Variants in CLVS1 observed in about 807,000 individuals in gnomAD.
The protein encoded by CLVS1 is clavesin-1.
Under a neutral mutation model 33.1 loss-of-function variants are expected in CLVS1, and 10 were observed. The ratio of observed to expected loss-of-function variants is 0.30; its 90% CI spans 0.19 to 0.51. The LOEUF is 0.51. Ranked by LOEUF, CLVS1 falls within the 20% of genes least tolerant of loss-of-function variation. The pLI is 0.97. For missense variants in CLVS1, 343 were observed against 433.4 expected, an observed-to-expected ratio of 0.79 and a Z score of 1.85; for synonymous variants, 163 against 166.1, an observed-to-expected ratio of 0.98 and a Z score of 0.14.
Position 61,116,851 on chromosome 8 carries a change from C to T in CLVS1, c.-242-14919C>T, listed in dbSNP as rs879835837. On this transcript the variant is annotated intron_variant, in intron 1 of 2. Coordinates refer to the CLVS1 transcript ENST00000522621. ...TTGGCTTAGGATTGACTTGGCGATGCGGGCTCTTTTTTGGTTCCATATGAA... is the reference window on the plus strand; with the variant it reads ...TTGGCTTAGGATTGACTTGGCGATGTGGGCTCTTTTTTGGTTCCATATGAA... Among the ~76,000 whole-genome samples the T allele has an allele frequency of 3.6e-4, 50 of 140,412 alleles. 1 individual carries two copies. Among genetic ancestry groups the T allele is most frequent in the Admixed American group, 1.5e-3 (21 of 13,826 alleles). 92.1% of individuals were successfully genotyped at this position (140,412 alleles called of 152,430 possible).
chr8:61,408,434 C>T (rs578182070), intron 3 of CLVS1, among the ~76,000 whole-genome samples: 1 of 152,168 alleles, frequency 6.6e-6, no homozygotes, highest in Non-Finnish European at 1.5e-5. Context: ...CCCCTAGCTG[C>T]CCAACTCACC....
At chr8:61,304,977 T>G (rs1810570120) in intron 2 of CLVS1, among the ~76,000 whole-genome samples, 1 of 152,100 alleles carries the variant, frequency 6.6e-6, no homozygotes, top group South Asian at 2.1e-4. Flanking sequence ...GTGCACAAAC[T>G]CTGAACCCCG....
At chr8:61,394,232 C>G (rs113427999) in intron 3 of CLVS1, among the ~76,000 whole-genome samples, 3,133 of 152,246 alleles carry the variant, frequency 0.021, 87 homozygotes, top group African/African-American at 0.07. Context: ...TCCCTCCTTG[C>G]AGCAGGATTG....
At chr8:61,249,992 T>C (rs2129591546) in intron 2 of CLVS1, among the ~76,000 whole-genome samples, 1 of 152,330 alleles carries the variant, frequency 6.6e-6, no homozygotes, top group Admixed American at 6.5e-5. Context: ...TATTTGCCCA[T>C]GCCTATGTCC....
intron 2 of CLVS1, among the ~76,000 whole-genome samples, chr8:61,158,806 A>C (rs1225149715): frequency 6.6e-6 from 1 of 152,208 alleles, no homozygotes. Flanking sequence ...GTAATAAAAT[A>C]ATTCTCTTTT....
At chr8:61,371,988 G>A (rs1186715848) in intron 2 of CLVS1, among the ~76,000 whole-genome samples, 3 of 152,088 alleles carry the variant, frequency 2.0e-5, no homozygotes, top group Non-Finnish European at 4.4e-5. Flanking sequence ...AGTTCACATA[G>A]TCCTCTCACA....
intron 1 of CLVS1, among the ~76,000 whole-genome samples, chr8:61,122,495 C>T (rs955541064): frequency 4.6e-5 from 7 of 151,650 alleles, no homozygotes; most frequent in African/African-American, 1.7e-4. Flanking sequence ...CAGCTTTTGG[C>T]TCACCTTACT....
chr8:61,491,787 C>T (rs1244207346), intron 5 of CLVS1, among the ~76,000 whole-genome samples: 2 of 152,180 alleles, frequency 1.3e-5, no homozygotes, highest in African/African-American at 2.4e-5. Flanking sequence ...ATGATTGTTA[C>T]TTCCTCGAGT....
chr8:61,175,369 C>A (rs2129299328), intron 2 of CLVS1, among the ~76,000 whole-genome samples: 1 of 152,290 alleles, frequency 6.6e-6, no homozygotes, highest in East Asian at 1.9e-4. Flanking sequence ...GGGAACAAGC[C>A]TTCATCAGAC....
intron 1 of CLVS1, among the ~76,000 whole-genome samples, chr8:61,067,423 C>A (rs1378313690): frequency 6.8e-6 from 1 of 147,986 alleles, no homozygotes; most frequent in Admixed American, 6.8e-5. Flanking sequence ...AGTATATATA[C>A]TTATAAGGAT....
At chr8:61,163,064 C>G (rs1051452597) in intron 2 of CLVS1, among the ~76,000 whole-genome samples, 3 of 152,086 alleles carry the variant, frequency 2.0e-5, no homozygotes, top group Non-Finnish European at 2.9e-5. Context: ...CTTGTTAGTC[C>G]TAGGAAAGTC....
chr8:61,345,621 GGTGTGTGTGTGTGTGT>G (rs760079533), intron 2 of CLVS1, among the ~76,000 whole-genome samples: 13 of 148,784 alleles, frequency 8.7e-5, no homozygotes, highest in Admixed American at 2.0e-4. Flanking sequence ...AGCCTCTAGG[GGTGTGTGTGTGTGTGT>G]ATGTGTGTGT....
At chr8:61,062,529 C>A (rs903632054) in intron 1 of CLVS1, among the ~76,000 whole-genome samples, 1 of 152,196 alleles carries the variant, frequency 6.6e-6, no homozygotes, top group Non-Finnish European at 1.5e-5. Context: ...GGTCTTGAAG[C>A]CTATTGCAAT....
intron 2 of CLVS1, among the ~76,000 whole-genome samples, chr8:61,336,321 G>A (rs1379353462): frequency 6.6e-6 from 1 of 152,152 alleles, no homozygotes. Context: ...CTTCTAAAAC[G>A]CTATAGCACT....
intron 2 of CLVS1, among the ~76,000 whole-genome samples, chr8:61,240,667 G>A (rs369168261): frequency 1.3e-5 from 2 of 152,114 alleles, no homozygotes; most frequent in Admixed American, 6.5e-5. Flanking sequence ...TGGTAAATGT[G>A]TTGTTGGTTT....
chr8:61,357,494 C>CTTTTCTTTTTT (rs1812776284), intron 2 of CLVS1, among the ~76,000 whole-genome samples: 1 of 25,804 alleles, frequency 3.9e-5, no homozygotes. Context: ...TTTTTCTTTT[C>CTTTTCTTTTTT]TTTTTTTTTT....
chr8:61,284,115 T>C (rs1448479412), upstream of CLVS1, among the ~76,000 whole-genome samples: 3 of 152,218 alleles, frequency 2.0e-5, no homozygotes, highest in Admixed American at 6.5e-5. Flanking sequence ...ATAAGTCAGA[T>C]AGAGAAAGAA....
chr8:61,318,768 T>TTTTG (rs986506033), intron 2 of CLVS1, among the ~76,000 whole-genome samples: 2 of 151,952 alleles, frequency 1.3e-5, no homozygotes, highest in Admixed American at 6.6e-5. Flanking sequence ...ATCTGGTCCT[T>TTTTG]TTTGTTTGTT....
chr8:61,308,620 G>C (rs1029048786), intron 2 of CLVS1, among the ~76,000 whole-genome samples: 1 of 152,130 alleles, frequency 6.6e-6, no homozygotes, highest in Admixed American at 6.5e-5. Flanking sequence ...TGATAACCCA[G>C]AAGACCTCCA....
Sources: allele counts gnomAD v4.1 joint callset (sites outside exome capture counted in the v4.1 genomes callset), GRCh38; gene constraint gnomAD v4.1.1; transcripts MANE v1.5; gene names NCBI Gene and HGNC (gene_info 2026-07-23, HGNC 2026-07-21).